The following SASH1 variants were observed in gnomAD, a reference collection of about 807,000 sequenced individuals.
The protein encoded by SASH1 is SAM and SH3 domain containing 1, also known as SAM and SH3 domain-containing protein 1.
SASH1 carries 44 observed loss-of-function variants against 125.2 expected under a neutral mutation model. The ratio of observed to expected loss-of-function variants is 0.35; its 90% CI spans 0.28 to 0.45. The LOEUF is 0.45. Among genes scored for constraint, SASH1 ranks in the 20% least tolerant of loss-of-function variants. The pLI is 1.00. For missense variants in SASH1, 1,426 were observed against 1,614.5 expected (o/e 0.88, Z 2.00); for synonymous variants, 639 against 649.1 (o/e 0.98, Z 0.24).
chr6:148,471,906 T>C (rs1376381642), intron 6 of SASH1, among the ~76,000 whole-genome samples: 1 of 152,206 alleles, frequency 6.6e-6, no homozygotes, highest in African/African-American at 2.4e-5. Context: ...TGCATTCTTC[T>C]GAACTTCTGA....
At chr6:148,228,451 G>A in the SASH1 span, among the ~76,000 whole-genome samples, 1 of 152,184 alleles carries the variant, frequency 6.6e-6, no homozygotes, top group Non-Finnish European at 1.5e-5. Context: ...ATAATTCAAG[G>A]TTGTGTGGGA....
At chr6:148,453,194 G>A (rs1562423745) in intron 4 of SASH1, among the ~76,000 whole-genome samples, 2 of 152,198 alleles carry the variant, frequency 1.3e-5, no homozygotes, top group South Asian at 2.1e-4. Context: ...GTGGCAGGCT[G>A]TGTGTGTTCT....
intron 1 of SASH1, among the ~76,000 whole-genome samples, chr6:148,323,292 G>A (rs935549368): frequency 2.6e-4 from 39 of 152,146 alleles, no homozygotes; most frequent in African/African-American, 9.2e-4. Flanking sequence ...TTACAGGCGT[G>A]AGCCCCATGC....
At chr6:148,443,674 T>G (rs936085238) in intron 4 of SASH1, among the ~76,000 whole-genome samples, 1 of 151,920 alleles carries the variant, frequency 6.6e-6, no homozygotes, top group African/African-American at 2.4e-5. Context: ...TGATGATTAT[T>G]TTGTATAAAA....
At chr6:148,379,704 G>A (rs1339594956) in intron 1 of SASH1, among the ~76,000 whole-genome samples, 3 of 152,144 alleles carry the variant, frequency 2.0e-5, no homozygotes, top group Non-Finnish European at 2.9e-5. Context: ...TAGATATTGA[G>A]GTTATAAAAA....
chr6:148,449,478 A>G (rs550809422), intron 4 of SASH1, among the ~76,000 whole-genome samples: 21 of 141,122 alleles, frequency 1.5e-4, no homozygotes, highest in African/African-American at 5.3e-4. Flanking sequence ...ACCTCCACCC[A>G]TTGGGTTTAA....
At chr6:148,283,195 T>C (rs918655051) in intron 1 of SASH1, among the ~76,000 whole-genome samples, 1 of 152,178 alleles carries the variant, frequency 6.6e-6, no homozygotes, top group Admixed American at 6.5e-5. Flanking sequence ...GTGCGCCAAA[T>C]GAAGAGGACA....
In SASH1 at chr6:148,533,404, G is replaced by C. The variant is rs1487064478; in HGVS notation, c.1735-367G>C. Among the ~76,000 whole-genome samples the C allele has an allele frequency of 6.6e-6, 1 of 152,198 alleles. No individual in the cohort carries two copies. Among genetic ancestry groups the C allele is most frequent in the Non-Finnish European group, 1.5e-5 (1 of 68,024 alleles). ...GCCGGGATTGCCACTGGTTAGGACA[G>C]GTGGGAAGTGCCTCCTCTAAGAAGT... On this transcript the variant is annotated intron_variant, in intron 14 of 19. Coordinates refer to ENST00000367467, the MANE Select transcript of SASH1 (RefSeq NM_015278.5). This position sits in a 1 kb window ranked among gnomAD's most constrained non-coding sequence, Gnocchi z 6.2.
At chr6:148,390,493 A>G (rs966392547) in intron 2 of SASH1, among the ~76,000 whole-genome samples, 3 of 152,214 alleles carry the variant, frequency 2.0e-5, no homozygotes, top group Non-Finnish European at 4.4e-5. Flanking sequence ...CACTCATTAA[A>G]AGAACAGATT....
At chr6:148,525,148 TCATCA>T in intron 10 of SASH1, 138 bp from the exon 11 acceptor site, 2 of 668,946 alleles carry the variant, frequency 3.0e-6, no homozygotes, top group Admixed American at 2.3e-5. Context: ...TGTTTTTTTC[TCATCA>T]TTTCTCGTTT....
intron 2 of SASH1, among the ~76,000 whole-genome samples, chr6:148,403,446 T>TA (rs34706491): frequency 0.17 from 25,750 of 151,958 alleles, 2,451 homozygotes; most frequent in South Asian, 0.28. Flanking sequence ...ACATTCATTG[T>TA]AAAAAAATTG....
In SASH1 at chr6:148,424,243, T is replaced by TG. The variant is rs34606292; in HGVS notation, c.286-15941_286-15940insG. ...GTCTTGTTCTTCTTCTTTTTTTTTT[T>TG]TGGGGGGGGGAGGTGGGACAGGGTC... On this transcript the variant is annotated intron_variant, in intron 2 of 19. Transcript: ENST00000367467. 2.4e-3 allele frequency among the ~76,000 whole-genome samples: 366 copies of TG among 150,370 alleles called. 1 individual carries two copies. The highest frequency in any genetic ancestry group is 8.2e-3 in the African/African-American group (340 of 41,214).
chr6:148,544,775 A>T lies in SASH1; in HGVS notation c.3305A>T (p.His1102Leu). ...DLETLTENKL[H>L]AEGIDLTEEP... The stretch of plus-strand genomic sequence containing the variant: ...GAAACGCTCACTGAAAACAAGCTGC[A>T]CGCTGAAGGCATCGATCTCACGGAG... The change falls in exon 18 of 20, where the codon CAC becomes CTC. Residue 1102 changes from histidine to leucine, a missense_variant. Physicochemically the swap from His to Leu is moderately conservative, Grantham distance 99. Transcript: ENST00000367467. The surrounding 1 kb of genome is among the most constrained non-coding windows in gnomAD (Gnocchi z 6.4). 6.2e-7 allele frequency: 1 copy of T among 1,603,092 alleles called. No homozygotes were observed. Among genetic ancestry groups the T allele is most frequent in the East Asian group, 2.2e-5 (1 of 44,582 alleles).
At chr6:148,417,812 T>G (rs758161181) in intron 2 of SASH1, among the ~76,000 whole-genome samples, 6 of 152,160 alleles carry the variant, frequency 3.9e-5, no homozygotes. Flanking sequence ...GAATGGTGTA[T>G]GGCACCCAGT....
At chr6:148,292,105 A>C (rs1158753206) in intron 1 of SASH1, among the ~76,000 whole-genome samples, 1 of 152,194 alleles carries the variant, frequency 6.6e-6, no homozygotes, top group Non-Finnish European at 1.5e-5. Context: ...GTACTTAATG[A>C]AGTGTTTTTC....
the SASH1 span, among the ~76,000 whole-genome samples, chr6:148,222,336 G>A: frequency 6.6e-6 from 1 of 152,046 alleles, no homozygotes; most frequent in Non-Finnish European, 1.5e-5. Flanking sequence ...AAACTATTTA[G>A]GCAAGTGAAT....
chr6:148,530,130 T>C (rs529252193), intron 12 of SASH1, among the ~76,000 whole-genome samples: 1 of 152,304 alleles, frequency 6.6e-6, no homozygotes, highest in East Asian at 1.9e-4. Context: ...AAAAACTTTT[T>C]AGTAAATATA....
rs758795369 is a variant in SASH1, at chr6:148,343,188, T to A, written c.121T>A (p.Phe41Ile). ...GCCGGGTGCTGGCACATCCGAGGCG[T>A]TCTCCCGACTCTGGACCGACGTGAT... ...PKPGAGTSEA[F>I]SRLWTDVMGI... Residue 41 changes from phenylalanine (F) to isoleucine (I), a missense_variant, in exon 1 of 20, where the codon TTC becomes ATC. Physicochemically the swap from Phe to Ile is conservative, Grantham distance 21. Transcript: ENST00000367467. 1.3e-6 allele frequency: 2 copies of A among 1,599,606 alleles called. No individual in the cohort carries two copies. The highest frequency in any genetic ancestry group is 1.7e-6 in the Non-Finnish European group (2 of 1,178,974).
At chr6:148,245,624 T>C in the SASH1 span, among the ~76,000 whole-genome samples, 2 of 152,068 alleles carry the variant, frequency 1.3e-5, no homozygotes, top group African/African-American at 4.8e-5. Flanking sequence ...GACATGTTAG[T>C]GAGAAGGGGG....
Sources: allele counts gnomAD v4.1 joint callset (sites outside exome capture counted in the v4.1 genomes callset), GRCh38; gene constraint gnomAD v4.1.1; non-coding constraint Gnocchi (gnomAD v3.1); transcripts MANE v1.5; gene names NCBI Gene and HGNC (gene_info 2026-07-23, HGNC 2026-07-21).